Variants in FNDC3A observed in about 807,000 individuals in gnomAD.
The protein encoded by FNDC3A is fibronectin type-III domain-containing protein 3A.
Under a neutral mutation model 148.9 loss-of-function variants are expected in FNDC3A, and 32 were observed. That is an observed-to-expected ratio of 0.21 (90% confidence interval 0.16 to 0.29). FNDC3A has a LOEUF of 0.29. Among genes scored for constraint, FNDC3A ranks in the 10% least tolerant of loss-of-function variants. FNDC3A has a pLI of 1.00. For synonymous variants in FNDC3A, 472 were observed against 473.6 expected, an observed-to-expected ratio of 1.00 and a Z score of 0.04; for missense variants, 1,191 against 1,452.8, an observed-to-expected ratio of 0.82 and a Z score of 2.93.
At chr13:49,053,034 C>T (rs1029433208) in intron 2 of FNDC3A, among the ~76,000 whole-genome samples, 1 of 152,150 alleles carries the variant, frequency 6.6e-6, no homozygotes, top group Non-Finnish European at 1.5e-5. Context: ...ACCCTGCTCC[C>T]ACTCGGCCGC....
At chr13:49,103,406 C>T (rs746008097) in intron 3 of FNDC3A, among the ~76,000 whole-genome samples, 2 of 152,232 alleles carry the variant, frequency 1.3e-5, no homozygotes, top group Non-Finnish European at 2.9e-5. Context: ...GTTTGAGTGG[C>T]ATCACCCAGT....
At chr13:49,047,438 C>T (rs1004010419) in intron 2 of FNDC3A, among the ~76,000 whole-genome samples, 1 of 152,134 alleles carries the variant, frequency 6.6e-6, no homozygotes, top group African/African-American at 2.4e-5. Flanking sequence ...TACATTCCCA[C>T]CAACAGTGTA....
At chr13:49,099,312 A>C (rs1879719941) in intron 3 of FNDC3A, among the ~76,000 whole-genome samples, 1 of 152,150 alleles carries the variant, frequency 6.6e-6, no homozygotes, top group African/African-American at 2.4e-5. Flanking sequence ...AACCCAAAAT[A>C]AATCATTCTC....
intron 23 of FNDC3A, chr13:49,201,135 A>C (rs1180415665): frequency 5.7e-5 from 17 of 295,886 alleles, no homozygotes; most frequent in Non-Finnish European, 1.1e-4. Context: ...AATTTTAGAA[A>C]CATCCAATCA....
chr13:49,099,690 A>G (rs1157789106), intron 3 of FNDC3A, among the ~76,000 whole-genome samples: 2 of 152,154 alleles, frequency 1.3e-5, no homozygotes, highest in Non-Finnish European at 2.9e-5. Context: ...AATTTGGTGA[A>G]ACATGCAGAA....
At chr13:49,180,085 AT>A (rs1885229178) in intron 14 of FNDC3A, among the ~76,000 whole-genome samples, 1 of 152,176 alleles carries the variant, frequency 6.6e-6, no homozygotes, top group South Asian at 2.1e-4. Context: ...GTATCTCTGT[AT>A]TTTTAAAAAT....
At chr13:49,125,581 T>TA (rs1345317779) in intron 4 of FNDC3A, among the ~76,000 whole-genome samples, 1 of 152,154 alleles carries the variant, frequency 6.6e-6, no homozygotes, top group Non-Finnish European at 1.5e-5. Flanking sequence ...AGAACCCTAA[T>TA]AGCTTCATGG....
chr13:49,061,272 G>A (rs1323302037), intron 2 of FNDC3A, among the ~76,000 whole-genome samples: 1 of 150,240 alleles, frequency 6.7e-6, no homozygotes, highest in East Asian at 2.0e-4. Context: ...AGCATGCTTG[G>A]CTTTTTCTTT....
chr13:49,159,342 T>C (rs1883937705), intron 8 of FNDC3A, among the ~76,000 whole-genome samples: 1 of 152,204 alleles, frequency 6.6e-6, no homozygotes, highest in African/African-American at 2.4e-5. Context: ...TCACATCCCT[T>C]GTAAGTTGGA....
At chr13:49,099,945 C>CT (rs1300575305) in intron 3 of FNDC3A, among the ~76,000 whole-genome samples, 1 of 151,972 alleles carries the variant, frequency 6.6e-6, no homozygotes, top group Non-Finnish European at 1.5e-5. Flanking sequence ...GTATCAGCAG[C>CT]TTTAAGTTTA....
chr13:48,995,789 A>C lies in FNDC3A; in HGVS notation c.-39-10363A>C, dbSNP rs141058310. 2.6e-3 allele frequency among the ~76,000 whole-genome samples: 391 copies of C among 152,346 alleles called. 5 individuals are homozygous for C. Among genetic ancestry groups the C allele is most frequent in the Middle Eastern group, 0.02 (6 of 294 alleles). ...AAGCTAATATCCTGTTCTTATTGTT[A>C]AATACAGTCTATGAAATATTTGTTT... On this transcript the variant is annotated intron_variant, in intron 1 of 25. Coordinates refer to ENST00000492622, the MANE Select transcript of FNDC3A (RefSeq NM_001079673.2).
chr13:49,145,820 C>T lies in FNDC3A; in HGVS notation c.862C>T (p.Pro288Ser). 2 of 1,613,874 alleles carry T rather than the reference C, an allele frequency of 1.2e-6. No homozygotes were observed. Among genetic ancestry groups the T allele is most frequent in the South Asian group, 1.1e-5 (1 of 91,058 alleles). Residue 288 changes from proline to serine, a missense_variant, in exon 8 of 26, where the codon CCA becomes TCA. Pro to Ser is a moderately conservative substitution (Grantham distance 74). Around this residue, in one of 3 missense-constraint regions of FNDC3A, gnomAD observed 426 missense variants for 473.2 expected, o/e 0.90. Transcript: ENST00000492622. Reference sequence around the variant, plus strand: ...AAGGACAGTAGTACTTACCTGGTCACCACCTTCCAGCCTCATTAATGGTGA... The same window carrying T: ...AAGGACAGTAGTACTTACCTGGTCATCACCTTCCAGCCTCATTAATGGTGA... ...QARTVVLTWS[P>S]PSSLINGETD...
At chr13:49,154,001 G>T (rs1336932398) in intron 8 of FNDC3A, among the ~76,000 whole-genome samples, 2 of 127,238 alleles carry the variant, frequency 1.6e-5, no homozygotes, top group African/African-American at 3.0e-5. Flanking sequence ...TGGCGATGCG[G>T]GCTCTTTTTT....
intron 2 of FNDC3A, among the ~76,000 whole-genome samples, chr13:49,036,272 A>T (rs1874484372): frequency 6.6e-6 from 1 of 152,134 alleles, no homozygotes; most frequent in Non-Finnish European, 1.5e-5. Context: ...TGTCTAATAC[A>T]GTAGCCATTA....
intron 5 of FNDC3A, among the ~76,000 whole-genome samples, chr13:49,134,342 G>C (rs1388904221): frequency 6.6e-6 from 1 of 151,978 alleles, no homozygotes; most frequent in Non-Finnish European, 1.5e-5. Flanking sequence ...TTAATGTCAT[G>C]TTTTCAAAGT....
chr13:49,173,066 T>C (rs1296702991), intron 11 of FNDC3A, among the ~76,000 whole-genome samples: 1 of 152,214 alleles, frequency 6.6e-6, no homozygotes. Context: ...AGTTAACAAA[T>C]TTATGTTGGG....
intron 8 of FNDC3A, among the ~76,000 whole-genome samples, chr13:49,149,579 C>G (rs536111234): frequency 1.3e-5 from 2 of 152,246 alleles, no homozygotes; most frequent in South Asian, 2.1e-4. Flanking sequence ...TTATAATGTG[C>G]TGTTGAATTC....
chr13:49,199,017 C>G (rs1479017549), intron 23 of FNDC3A, among the ~76,000 whole-genome samples: 2 of 151,976 alleles, frequency 1.3e-5, no homozygotes, highest in Non-Finnish European at 2.9e-5. Context: ...TTATTTCTAG[C>G]AGGACACAAT....
chr13:49,145,695 C>T, intron 7 of FNDC3A, 83 bp from the exon 8 acceptor site: 1 of 1,096,688 alleles, frequency 9.1e-7, no homozygotes, highest in Non-Finnish European at 1.4e-6. Context: ...TTTATTTAAT[C>T]TTGAAACCTC....
Sources: gnomAD v4.1 joint callset for allele counts (sites outside exome capture counted in the v4.1 genomes callset) on GRCh38, gnomAD v4.1.1 for gene constraint, gnomAD v4.1.1 regional missense constraint, MANE v1.5 for transcripts, NCBI Gene and HGNC (gene_info 2026-07-23, HGNC 2026-07-21) for gene names.